Variants in KALRN observed in about 807,000 individuals in gnomAD.
KALRN encodes kalirin.
KALRN carries 70 observed loss-of-function variants against 353.7 expected under a neutral mutation model. The ratio of observed to expected loss-of-function variants is 0.20; its 90% CI spans 0.16 to 0.24. The LOEUF (loss-of-function observed/expected upper bound fraction) is 0.24, where lower values mean the gene tolerates loss of function less well. Among genes scored for constraint, KALRN ranks in the 10% least tolerant of loss-of-function variants. The probability of loss-of-function intolerance (pLI) is 1.00; values close to 1 mark genes in which losing one functional copy is unlikely to be tolerated. For synonymous variants in KALRN, 1,391 were observed against 1,434.8 expected (o/e 0.97, Z 0.69); for missense variants, 2,791 against 3,756.7 (o/e 0.74, Z 6.72).
At chr3:124,537,131 TC>T (rs1214593460) in intron 33 of KALRN, among the ~76,000 whole-genome samples, 2 of 152,158 alleles carry the variant, frequency 1.3e-5, no homozygotes, top group Non-Finnish European at 2.9e-5. Flanking sequence ...AACCTCCACC[TC>T]CCGGTTTCAG....
intron 18 of KALRN, among the ~76,000 whole-genome samples, chr3:124,440,731 A>T (rs888249323): frequency 2.0e-5 from 3 of 152,074 alleles, no homozygotes; most frequent in Admixed American, 2.0e-4. Flanking sequence ...AATGAAATAA[A>T]ATTTCAGTTT....
intron 33 of KALRN, among the ~76,000 whole-genome samples, chr3:124,521,184 G>C (rs370899015): frequency 6.6e-6 from 1 of 151,824 alleles, no homozygotes; most frequent in Non-Finnish European, 1.5e-5. Flanking sequence ...CTGATGAGGC[G>C]GAAATCACCA....
At chr3:124,368,843 C>T (rs953905692) in intron 10 of KALRN, among the ~76,000 whole-genome samples, 40 of 152,212 alleles carry the variant, frequency 2.6e-4, no homozygotes, top group Admixed American at 5.9e-4. Flanking sequence ...GCGGATCACT[C>T]GCGGTTAGGG....
intron 1 of KALRN, among the ~76,000 whole-genome samples, chr3:124,110,469 GCA>G (rs1553768422): frequency 0.026 from 3,478 of 134,038 alleles, 157 homozygotes; most frequent in African/African-American, 0.091. Context: ...ACACACGCGC[GCA>G]CACACACACA....
chr3:124,646,620 A>G (rs1254693831), intron 37 of KALRN, among the ~76,000 whole-genome samples: 1 of 150,106 alleles, frequency 6.7e-6, no homozygotes, highest in African/African-American at 2.4e-5. Context: ...TGAACTCCTG[A>G]CCTCAGGTTA....
intron 51 of KALRN, among the ~76,000 whole-genome samples, chr3:124,685,369 C>CT (rs2061513104): frequency 6.6e-6 from 1 of 151,992 alleles, no homozygotes; most frequent in African/African-American, 2.4e-5. Flanking sequence ...ATCTATTATG[C>CT]TTTTTGTTCC....
At position 124,718,948 on chromosome 3, in the gene KALRN, A is replaced by C; in HGVS notation, c.8439A>C (p.Leu2813=). ...DIKPENLLID[L]RIPVPRVKLI... The stretch of plus-strand genomic sequence containing the variant: ...AGCCTGAAAACCTGCTCATTGACCT[A>C]CGGATTCCAGTGCCTCGAGTGAAGC... Residue 2813 remains leucine, a synonymous_variant, in exon 60 of 60, where the codon CTA becomes CTC. Coordinates refer to ENST00000682506, the MANE Select transcript of KALRN (RefSeq NM_001388419.1). The C allele has an allele frequency of 6.2e-7, 1 of 1,614,100 alleles. No homozygotes were observed. Among genetic ancestry groups the C allele is most frequent in the Non-Finnish European group, 8.5e-7 (1 of 1,180,010 alleles).
intron 1 of KALRN, among the ~76,000 whole-genome samples, chr3:124,179,826 G>A (rs764898058): frequency 1.3e-5 from 2 of 152,198 alleles, no homozygotes; most frequent in Non-Finnish European, 2.9e-5. Context: ...TAAAAGTTAT[G>A]CAAATATGGT....
intron 33 of KALRN, among the ~76,000 whole-genome samples, chr3:124,559,086 G>A (rs1487522238): frequency 2.6e-5 from 4 of 152,250 alleles, no homozygotes; most frequent in Admixed American, 1.3e-4. Flanking sequence ...TGAAAATGCA[G>A]ATGGAGTTAC....
chr3:124,266,172 GA>G (rs1334669967), intron 4 of KALRN, among the ~76,000 whole-genome samples: 10 of 151,990 alleles, frequency 6.6e-5, no homozygotes, highest in Non-Finnish European at 1.0e-4. Flanking sequence ...CAAATACGAT[GA>G]AGCCAGGAAA....
intron 6 of KALRN, among the ~76,000 whole-genome samples, chr3:124,300,380 C>T (rs543991087): frequency 1.3e-5 from 2 of 152,274 alleles, no homozygotes; most frequent in East Asian, 3.9e-4. Context: ...ACCACACACC[C>T]ATCCCTAGCT....
At chr3:124,357,541 A>G (rs956851494) in intron 10 of KALRN, among the ~76,000 whole-genome samples, 1 of 152,150 alleles carries the variant, frequency 6.6e-6, no homozygotes, top group Non-Finnish European at 1.5e-5. Flanking sequence ...TTTCCTGAGC[A>G]TGCCATGCTC....
chr3:124,658,387 C>A, intron 41 of KALRN, 44 bp from the exon 42 acceptor site: 1 of 1,455,886 alleles, frequency 6.9e-7, no homozygotes, highest in African/African-American at 1.4e-5. Context: ...GAACAAAAGA[C>A]ACAAGATGCC....
At position 124,482,764 on chromosome 3, in the gene KALRN, C is replaced by G. The variant is rs111967106; in HGVS notation, c.4192-44C>G. On this transcript the variant is annotated intron_variant, in intron 27 of 59. Coordinates refer to ENST00000682506, the MANE Select transcript of KALRN (RefSeq NM_001388419.1). ...TCCTCTCAGAGTTCACACACATGCA[C>G]ACACCCCTCTGTGTCTAATTGCACA... is the stretch of plus-strand genomic sequence containing the variant. 195 of 1,303,210 alleles carry G rather than the reference C, an allele frequency of 1.5e-4. 1 individual carries two copies. In the African/African-American group the frequency reaches 2.4e-3, roughly 16 times the overall value. 80.7% of individuals were successfully genotyped at this position (1,303,210 alleles called of 1,614,324 possible). A position where few individuals can be genotyped will look rare whatever the true frequency, so the allele number is the denominator to read the frequency against.
At chr3:124,633,344 A>G (rs536931783) in intron 35 of KALRN, among the ~76,000 whole-genome samples, 74 of 152,310 alleles carry the variant, frequency 4.9e-4, no homozygotes, top group African/African-American at 1.6e-3. Flanking sequence ...GACAGTGGAT[A>G]TGTTTTGGTT....
In KALRN at chr3:124,550,312, G is replaced by A. The variant is rs534156776; in HGVS notation, c.4936-12531G>A. Among the ~76,000 whole-genome samples, 5 of 152,236 alleles carry A rather than the reference G, an allele frequency of 3.3e-5. No individual in the cohort carries two copies. The South Asian group carries it at 8.3e-4, about 25-fold the overall frequency. On this transcript the variant is annotated intron_variant, in intron 33 of 59. Transcript: ENST00000682506. ...GAGCCGGAAGGGAGGAAGAGGAAGA[G>A]GCCTGGTACAGGGTAAGGGAAAGAG...
intron 1 of KALRN, among the ~76,000 whole-genome samples, chr3:124,141,496 T>C (rs1157374681): frequency 6.6e-6 from 1 of 152,206 alleles, no homozygotes; most frequent in African/African-American, 2.4e-5. Flanking sequence ...GTCCTCCCCC[T>C]GAATCCTTTA....
At chr3:124,311,906 C>T (rs1580814111) in intron 6 of KALRN, among the ~76,000 whole-genome samples, 2 of 152,226 alleles carry the variant, frequency 1.3e-5, no homozygotes, top group East Asian at 1.9e-4. Flanking sequence ...TAACCAAATA[C>T]CACTTATTAT....
chr3:124,649,987 A>G (rs892147493), intron 37 of KALRN, among the ~76,000 whole-genome samples: 1 of 148,850 alleles, frequency 6.7e-6, no homozygotes, highest in African/African-American at 2.5e-5. Flanking sequence ...TAATAATAAT[A>G]ATAATAATAA....
Sources: allele counts gnomAD v4.1 joint callset (sites outside exome capture counted in the v4.1 genomes callset), GRCh38; gene constraint gnomAD v4.1.1; transcripts MANE v1.5; gene names NCBI Gene and HGNC (gene_info 2026-07-23, HGNC 2026-07-21).